Variants in ZNF638 observed in about 807,000 individuals in gnomAD.
ZNF638 encodes the protein zinc finger protein 638.
Under a neutral mutation model 195.6 loss-of-function variants are expected in ZNF638, and 46 were observed. The ratio of observed to expected loss-of-function variants is 0.24; its 90% confidence interval spans 0.19 to 0.30. The LOEUF is 0.30. ZNF638 is among the 10% of genes least tolerant of loss of function. ZNF638 has a pLI of 1.00. For missense variants in ZNF638, 2,440 were observed against 2,325.3 expected (o/e 1.05, Z -1.01); for synonymous variants, 845 against 772.0 (o/e 1.09, Z -1.57).
chr2:71,349,073 C>A lies in ZNF638; in HGVS notation c.119C>A (p.Pro40Gln). 1 of 1,614,112 alleles carries A rather than the reference C, an allele frequency of 6.2e-7. No homozygotes were observed. Among genetic ancestry groups the A allele is most frequent in the Non-Finnish European group, 8.5e-7 (1 of 1,180,032 alleles). ...ATGAGGCCTGGATCTATGGGTCTCC[C>A]AAGATTTTACCCAGCAGGGAGAGCA... ...PFMRPGSMGL[P>Q]RFYPAGRARG... Residue 40 changes from proline (P) to glutamine (Q), a missense_variant, in exon 2 of 28, where the codon CCA (proline) becomes CAA (glutamine). Coordinates refer to ENST00000264447, the MANE Select transcript of ZNF638 (RefSeq NM_014497.5).
intron 10 of ZNF638, among the ~76,000 whole-genome samples, chr2:71,385,747 T>A (rs1233169371): frequency 6.6e-6 from 1 of 152,162 alleles, no homozygotes; most frequent in Non-Finnish European, 1.5e-5. Flanking sequence ...GGAAACTGGG[T>A]GAAGGGTATA....
chr2:71,369,860 A>C, intron 7 of ZNF638, 23 bp from the exon 8 acceptor site: 1 of 1,558,096 alleles, frequency 6.4e-7, no homozygotes, highest in East Asian at 2.3e-5. Flanking sequence ...TTGTGACTAA[A>C]GATGGAATAA....
intron 1 of ZNF638, chr2:71,332,825 C>G (rs562202207): frequency 2.4e-4 from 36 of 152,180 alleles, no homozygotes; most frequent in African/African-American, 8.7e-4. Flanking sequence ...AAAATTTGTC[C>G]TTAGGCGAAG....
At chr2:71,417,395 G>A (rs1235288624) in intron 20 of ZNF638, among the ~76,000 whole-genome samples, 1 of 151,548 alleles carries the variant, frequency 6.6e-6, no homozygotes, top group East Asian at 2.0e-4. Context: ...CTAGTGAGAT[G>A]AACCCGGTAC....
intron 4 of ZNF638, among the ~76,000 whole-genome samples, 187 bp downstream of exon 4, chr2:71,363,378 T>A (rs542845272): frequency 1.4e-4 from 21 of 152,324 alleles, no homozygotes; most frequent in Admixed American, 1.2e-3. Context: ...TGATCTACTT[T>A]CTTTAGCCTG....
intron 16 of ZNF638, among the ~76,000 whole-genome samples, chr2:71,403,194 A>C (rs148290685): frequency 6.6e-6 from 1 of 152,172 alleles, no homozygotes; most frequent in Non-Finnish European, 1.5e-5. Flanking sequence ...AAAAAAGGGA[A>C]CAGGATTCAC....
intron 26 of ZNF638, 50 bp downstream of exon 26, chr2:71,431,478 G>A (rs746235376): frequency 1.7e-5 from 27 of 1,542,994 alleles, no homozygotes; most frequent in South Asian, 1.6e-4. Context: ...TTTAAAAGTC[G>A]GCCGGGCGCG....
intron 8 of ZNF638, chr2:71,375,121 A>G (rs2079397404): frequency 6.6e-6 from 1 of 152,112 alleles, no homozygotes; most frequent in African/African-American, 2.4e-5. Context: ...TACTAGAGTA[A>G]CCTATCATCC....
At chr2:71,390,200 C>A (rs964739560) in intron 10 of ZNF638, among the ~76,000 whole-genome samples, 1 of 152,202 alleles carries the variant, frequency 6.6e-6, no homozygotes, top group African/African-American at 2.4e-5. Flanking sequence ...TGGGAAACTT[C>A]ATGAGGGGCC....
chr2:71,355,696 A>G (rs770478095), intron 2 of ZNF638, 23 bp from the exon 3 acceptor site: 4 of 1,508,760 alleles, frequency 2.7e-6, no homozygotes, highest in South Asian at 1.2e-5. Context: ...TCTAATTTCA[A>G]CACTTTTCTC....
intron 10 of ZNF638, among the ~76,000 whole-genome samples, chr2:71,385,226 A>G (rs929088308): frequency 6.6e-6 from 1 of 152,236 alleles, no homozygotes; most frequent in African/African-American, 2.4e-5. Context: ...AGAGTATGAC[A>G]GTTTAACTTA....
intron 1 of ZNF638, among the ~76,000 whole-genome samples, chr2:71,336,798 G>A (rs1244472374): frequency 1.3e-5 from 2 of 152,172 alleles, no homozygotes; most frequent in Non-Finnish European, 2.9e-5. Flanking sequence ...CAAGCAGCAG[G>A]ACCAGAGTTA....
chr2:71,355,896 C>T, intron 3 of ZNF638, 116 bp downstream of exon 3: 1 of 510,836 alleles, frequency 2.0e-6, no homozygotes, highest in Non-Finnish European at 3.3e-6. Flanking sequence ...TTTTGGAAAG[C>T]TATTGTCTTT....
chr2:71,420,641 T>G (rs764161728), intron 21 of ZNF638, among the ~76,000 whole-genome samples: 1 of 152,226 alleles, frequency 6.6e-6, no homozygotes, highest in East Asian at 1.9e-4. Flanking sequence ...AAATGAGATA[T>G]CTGTATCTCA....
chr2:71,372,350 A>G (rs535579382), intron 8 of ZNF638, among the ~76,000 whole-genome samples: 1 of 152,304 alleles, frequency 6.6e-6, no homozygotes, highest in East Asian at 1.9e-4. Flanking sequence ...CTCTTTGGCT[A>G]GGTCTGGTCC....
intron 20 of ZNF638, among the ~76,000 whole-genome samples, chr2:71,412,802 T>C (rs1199437299): frequency 9.5e-6 from 1 of 104,784 alleles, no homozygotes; most frequent in Non-Finnish European, 1.9e-5. Context: ...TGCGGCATTA[T>C]TTCTGAGGGC....
At chr2:71,369,603 G>A (rs942899921) in intron 7 of ZNF638, among the ~76,000 whole-genome samples, 3 of 152,130 alleles carry the variant, frequency 2.0e-5, no homozygotes, top group African/African-American at 7.2e-5. Context: ...CTGTTGTTCA[G>A]TGAGCCCTGC....
At chr2:71,360,224 C>G (rs1489129268) in intron 3 of ZNF638, among the ~76,000 whole-genome samples, 1 of 152,126 alleles carries the variant, frequency 6.6e-6, no homozygotes, top group Non-Finnish European at 1.5e-5. Flanking sequence ...TCTATATTCA[C>G]CATTTGTTAA....
chr2:71,400,041 T>G (rs2079975061), intron 13 of ZNF638, 71 bp from the exon 14 acceptor site: 5 of 1,273,740 alleles, frequency 3.9e-6, no homozygotes, highest in Non-Finnish European at 4.3e-6. Context: ...TAGCTTAAGT[T>G]CCTGTTTAGA....
Sources: allele counts gnomAD v4.1 joint callset (sites outside exome capture counted in the v4.1 genomes callset), GRCh38; gene constraint gnomAD v4.1.1; transcripts MANE v1.5; gene names NCBI Gene and HGNC (gene_info 2026-07-23, HGNC 2026-07-21).